POLA1: variants seen among roughly 807,000 people sequenced by gnomAD.
POLA1 encodes the protein DNA polymerase alpha catalytic subunit.
Under a neutral mutation model 124.0 loss-of-function variants are expected in POLA1, and 15 were observed. That is an observed-to-expected ratio of 0.12 (90% CI 0.08 to 0.19). The LOEUF is 0.19. Ranked by LOEUF, POLA1 falls within the 10% of genes least tolerant of loss-of-function variation. The pLI, the probability that POLA1 is intolerant of heterozygous loss-of-function variation, is 1.00. For missense variants in POLA1, 886 were observed against 1,103.4 expected (o/e 0.80, Z 2.79); for synonymous variants, 408 against 389.4 (o/e 1.05, Z -0.56).
intron 32 of POLA1, among the ~76,000 whole-genome samples, chrX:24,834,830 A>T (rs1034108030): frequency 2.9e-4 from 32 of 110,707 alleles, no homozygotes; most frequent in Non-Finnish European, 5.7e-5. Context: ...AAAAATGTAT[A>T]TTATATATAT....
At chrX:24,728,153 A>T (rs1930659229) in intron 15 of POLA1, among the ~76,000 whole-genome samples, 1 of 112,422 alleles carries the variant, frequency 8.9e-6, no homozygotes, top group South Asian at 3.7e-4. Flanking sequence ...TGTCTATTAA[A>T]TTTTTTACTT....
chrX:24,822,377 A>G (rs2147012442), intron 31 of POLA1, among the ~76,000 whole-genome samples: 1 of 112,813 alleles, frequency 8.9e-6, no homozygotes, highest in Admixed American at 9.3e-5. Flanking sequence ...AAACTTTTTT[A>G]AAGAAATTAA....
At chrX:24,811,412 C>T (rs1183199261) in intron 28 of POLA1, among the ~76,000 whole-genome samples, 4 of 110,673 alleles carry the variant, frequency 3.6e-5, no homozygotes, top group African/African-American at 1.3e-4. Flanking sequence ...GCCTCATCCT[C>T]CTGAGTAGCT....
chrX:24,799,887 C>A (rs1394263538), intron 26 of POLA1, among the ~76,000 whole-genome samples: 1 of 111,692 alleles, frequency 9.0e-6, no homozygotes, highest in African/African-American at 3.3e-5. Context: ...ATGCTTGATC[C>A]CACTAATGTA....
At chrX:24,795,662 ATTTTTT>A (rs35044901) in intron 26 of POLA1, among the ~76,000 whole-genome samples, 1 of 94,162 alleles carries the variant, frequency 1.1e-5, no homozygotes, top group African/African-American at 3.9e-5. Flanking sequence ...AGAAAGAAAG[ATTTTTT>A]TTTTTTTTTT....
intron 34 of POLA1, among the ~76,000 whole-genome samples, chrX:24,862,368 G>T (rs1470994433): frequency 9.0e-6 from 1 of 111,495 alleles, no homozygotes; most frequent in Non-Finnish European, 1.9e-5. Context: ...GAAACGTGGG[G>T]AAAAAGCATT....
At chrX:24,854,387 G>A (rs2046613024) in intron 34 of POLA1, among the ~76,000 whole-genome samples, 1 of 111,737 alleles carries the variant, frequency 8.9e-6, no homozygotes, top group Admixed American at 9.5e-5. Context: ...TAATGTGCCA[G>A]GAGTTTTACC....
intron 26 of POLA1, among the ~76,000 whole-genome samples, chrX:24,781,466 A>G (rs2045260111): frequency 8.9e-6 from 1 of 111,852 alleles, no homozygotes; most frequent in African/African-American, 3.3e-5. Flanking sequence ...GTGGAACTGG[A>G]TAATTGAGCA....
chrX:24,959,048 C>A (rs2048139891), intron 36 of POLA1, among the ~76,000 whole-genome samples: 1 of 111,749 alleles, frequency 8.9e-6, no homozygotes, highest in African/African-American at 3.3e-5. Context: ...ATTCCTTGTT[C>A]CCCACTAGCT....
At chrX:24,847,031 C>A (rs1435636319) in intron 34 of POLA1, among the ~76,000 whole-genome samples, 3 of 111,910 alleles carry the variant, frequency 2.7e-5, no homozygotes, top group African/African-American at 3.2e-5. Flanking sequence ...GTAATTAATT[C>A]TCCACTGCTT....
At chrX:24,694,522 A>G (rs1032558219) in intron 1 of POLA1, among the ~76,000 whole-genome samples, 1 of 112,280 alleles carries the variant, frequency 8.9e-6, no homozygotes, top group African/African-American at 3.2e-5. Flanking sequence ...ATGCATTAAC[A>G]ATTTTTCTTT....
At chrX:24,796,862 T>A (rs186339124) in intron 26 of POLA1, among the ~76,000 whole-genome samples, 6 of 111,529 alleles carry the variant, frequency 5.4e-5, no homozygotes, top group South Asian at 7.7e-4. Flanking sequence ...GTTGCCAGCC[T>A]GTTTCCCTTC....
chrX:24,991,968 T>C (rs192176762), intron 36 of POLA1, among the ~76,000 whole-genome samples: 112 of 112,335 alleles, frequency 1.0e-3, no homozygotes, highest in African/African-American at 3.4e-3. Context: ...TGTGAATTTT[T>C]TTTTTCTAAA....
At chrX:24,920,598 A>G (rs910990988) in intron 35 of POLA1, among the ~76,000 whole-genome samples, 3 of 112,381 alleles carry the variant, frequency 2.7e-5, no homozygotes, top group Non-Finnish European at 5.6e-5. Flanking sequence ...GGGCTTGGAC[A>G]CTGAAAACCT....
chrX:24,824,381 C>T (rs764075489), intron 31 of POLA1, among the ~76,000 whole-genome samples: 20 of 109,186 alleles, frequency 1.8e-4, no homozygotes, highest in South Asian at 8.2e-4. Context: ...CAGCCTTTAT[C>T]TCCCAGGCTC....
intron 36 of POLA1, among the ~76,000 whole-genome samples, chrX:24,965,683 G>A (rs2048213292): frequency 8.9e-6 from 1 of 112,251 alleles, no homozygotes. Flanking sequence ...CTGTATTGTA[G>A]AAATACACAG....
At chrX:24,798,401 C>A (rs1244404007) in intron 26 of POLA1, among the ~76,000 whole-genome samples, 5 of 111,227 alleles carry the variant, frequency 4.5e-5, no homozygotes, top group African/African-American at 1.6e-4. Flanking sequence ...CCAGCCCCTC[C>A]TCCTCCTCAG....
rs371466637 is a variant in POLA1 at position 24,888,169 on chromosome X, G to C, written c.4164+47G>C. ...AGAACCATGTAGAAGAGGGTAGAGG[G>C]CTGCTTGCTTTGAGAAGTAGATACT... On this transcript the variant is annotated intron_variant, in intron 35 of 36. Transcript: ENST00000379068. 5 of 830,341 alleles carry C rather than the reference G, an allele frequency of 6.0e-6. No homozygotes were observed. In the South Asian group the frequency reaches 8.3e-5, roughly 14 times the overall value. 68.4% of individuals were successfully genotyped at this position (830,341 alleles called of 1,213,427 possible). A position where few individuals can be genotyped will look rare whatever the true frequency, so the allele number is the denominator to read the frequency against.
At chrX:24,979,101 A>G (rs940101107) in intron 36 of POLA1, among the ~76,000 whole-genome samples, 3 of 112,335 alleles carry the variant, frequency 2.7e-5, no homozygotes, top group Non-Finnish European at 5.6e-5. Context: ...TTAATAATCA[A>G]TAAATAGCAG....
Sources: gnomAD v4.1 joint callset for allele counts (sites outside exome capture counted in the v4.1 genomes callset) on GRCh38, gnomAD v4.1.1 for gene constraint, MANE v1.5 for transcripts, NCBI Gene and HGNC (gene_info 2026-07-23, HGNC 2026-07-21) for gene names.